Variants in NSMAF observed in about 807,000 individuals in gnomAD.
NSMAF encodes the protein neutral sphingomyelinase activation associated factor, also known as protein FAN.
Under a neutral mutation model 134.9 loss-of-function variants are expected in NSMAF, and 90 were observed. The observed-to-expected ratio is 0.67, with a 90% confidence interval of 0.56 to 0.79. The LOEUF (loss-of-function observed/expected upper bound fraction) is 0.79. NSMAF is among the 30% of genes least tolerant of loss of function. The probability of loss-of-function intolerance (pLI) is 0.00; values close to 1 mark genes in which losing one functional copy is unlikely to be tolerated. For missense variants in NSMAF, 1,010 were observed against 1,119.0 expected, an observed-to-expected ratio of 0.90 and a Z score of 1.39; for synonymous variants, 358 against 389.6, an observed-to-expected ratio of 0.92 and a Z score of 0.96.
Position 58,586,610 on chromosome 8 carries a change from T to C in NSMAF, c.2296-2A>G. On this transcript the variant is annotated splice_acceptor_variant, in intron 27 of 30. Coordinates refer to ENST00000038176, the MANE Select transcript of NSMAF (RefSeq NM_003580.4). LOFTEE classifies it high-confidence loss of function. ...AGCATTTAAACTGATTGTATCTACC[T>C]AAGGAAGAAAACACATTGATACATA... The C allele has an allele frequency of 6.2e-7, 1 of 1,608,476 alleles. No homozygotes were observed. Among genetic ancestry groups the C allele is most frequent in the Non-Finnish European group, 8.5e-7 (1 of 1,177,354 alleles).
chr8:58,629,888 C>T (rs79089199), intron 6 of NSMAF, among the ~76,000 whole-genome samples: 39 of 152,296 alleles, frequency 2.6e-4, no homozygotes, highest in African/African-American at 9.1e-4. Context: ...GAAGCAGTAG[C>T]GTGCTACCCA....
chr8:58,639,681 T>C (rs1318289025), intron 2 of NSMAF, among the ~76,000 whole-genome samples: 2 of 152,194 alleles, frequency 1.3e-5, no homozygotes, highest in Non-Finnish European at 2.9e-5. Flanking sequence ...TTATTTACAG[T>C]AGCCAAGATT....
chr8:58,597,950 T>C (rs771705478), intron 19 of NSMAF, 48 bp from the exon 20 acceptor site: 1 of 1,302,006 alleles, frequency 7.7e-7, no homozygotes, highest in South Asian at 1.2e-5. Flanking sequence ...TATTTCAATG[T>C]AATATACACT....
At chr8:58,651,011 A>AT (rs375964507) in intron 1 of NSMAF, among the ~76,000 whole-genome samples, 2 of 152,110 alleles carry the variant, frequency 1.3e-5, no homozygotes, top group African/African-American at 4.8e-5. Flanking sequence ...GTTCTCTGGG[A>AT]TTTTTTCCTG....
intron 6 of NSMAF, among the ~76,000 whole-genome samples, chr8:58,630,314 AC>A (rs1807028363): frequency 2.2e-5 from 3 of 136,976 alleles, no homozygotes; most frequent in African/African-American, 8.1e-5. Flanking sequence ...ATTCCACCTC[AC>A]CCTTTTTTTT....
intron 1 of NSMAF, chr8:58,659,171 G>A (rs1167976146): frequency 1.4e-6 from 2 of 1,412,668 alleles, no homozygotes; most frequent in East Asian, 5.9e-5. Context: ...TAGAAAGGGG[G>A]TGCCCGCCGG....
At chr8:58,633,247 G>A (rs188236937) in intron 5 of NSMAF, among the ~76,000 whole-genome samples, 10 of 152,188 alleles carry the variant, frequency 6.6e-5, no homozygotes, top group East Asian at 5.8e-4. Context: ...CTTGACTCAC[G>A]CACCCCAGGA....
intron 19 of NSMAF, among the ~76,000 whole-genome samples, chr8:58,598,363 A>C (rs746790484): frequency 2.0e-5 from 3 of 151,620 alleles, no homozygotes; most frequent in Non-Finnish European, 4.4e-5. Context: ...TAAAAAAAAA[A>C]ACTCTGGCAG....
At chr8:58,588,196 C>T (rs540570209) in intron 26 of NSMAF, among the ~76,000 whole-genome samples, 4 of 152,156 alleles carry the variant, frequency 2.6e-5, no homozygotes, top group East Asian at 3.9e-4. Context: ...TGAAAGCTGG[C>T]GTGGTTTGTG....
chr8:58,612,326 A>T (rs10113667), intron 9 of NSMAF, among the ~76,000 whole-genome samples: 37,773 of 151,750 alleles, frequency 0.25, 5,259 homozygotes, highest in Non-Finnish European at 0.31. Context: ...AGGCTGGGAG[A>T]GCTTCTGGGT....
At chr8:58,598,292 G>A (rs1218736676) in intron 19 of NSMAF, among the ~76,000 whole-genome samples, 2 of 151,942 alleles carry the variant, frequency 1.3e-5, no homozygotes, top group Non-Finnish European at 2.9e-5. Flanking sequence ...CATGAGAAAC[G>A]TGGAAGAAGA....
At chr8:58,623,140 A>C in intron 9 of NSMAF, 80 bp downstream of exon 9, 1 of 1,070,066 alleles carries the variant, frequency 9.3e-7, no homozygotes, top group South Asian at 1.3e-5. Flanking sequence ...TGATGACAGC[A>C]GGCTTGGATT....
chr8:58,585,560 T>G, intron 30 of NSMAF, 92 bp downstream of exon 30: 2 of 901,436 alleles, frequency 2.2e-6, no homozygotes, highest in Non-Finnish European at 3.6e-6. Flanking sequence ...GGGTGTTTTT[T>G]GCCCAAAAAG....
chr8:58,640,628 G>A (rs1420009898), intron 2 of NSMAF, among the ~76,000 whole-genome samples: 1 of 152,068 alleles, frequency 6.6e-6, no homozygotes, highest in East Asian at 1.9e-4. Flanking sequence ...GAGATACACA[G>A]TCAAATTATT....
chr8:58,615,743 C>T (rs2129143248), intron 9 of NSMAF, among the ~76,000 whole-genome samples: 1 of 152,180 alleles, frequency 6.6e-6, no homozygotes, highest in East Asian at 1.9e-4. Context: ...AAACTGGTGA[C>T]CTAGACTTTC....
chr8:58,611,282 C>T (rs1461685012), intron 9 of NSMAF, among the ~76,000 whole-genome samples: 1 of 152,156 alleles, frequency 6.6e-6, no homozygotes, highest in Non-Finnish European at 1.5e-5. Flanking sequence ...TGGCTCACAC[C>T]TGTAATCCCA....
Position 58,594,579 on chromosome 8 carries a change from C to T in NSMAF, c.1893-289G>A, listed in dbSNP as rs1806092967. On this transcript the variant is annotated intron_variant, in intron 22 of 30. Transcript: ENST00000038176. ...TTTCTGGCAATTGGAAAACTCTTCT[C>T]CTTCTATTCCCCCTCGTTTGACCAT... 4 of 407,148 alleles carry T rather than the reference C, an allele frequency of 9.8e-6. No individual in the cohort carries two copies. In the South Asian group the frequency reaches 1.3e-4, roughly 13 times the overall value. 25.2% of individuals were successfully genotyped at this position (407,148 alleles called of 1,614,324 possible).
intron 10 of NSMAF, 30 bp from the exon 11 acceptor site, chr8:58,607,870 T>C (rs1344583290): frequency 5.1e-6 from 8 of 1,557,552 alleles, no homozygotes; most frequent in Non-Finnish European, 7.1e-6. Context: ...ATCTCAAACA[T>C]TATTGTTCTG....
chr8:58,620,113 A>T (rs1806750724), intron 9 of NSMAF, among the ~76,000 whole-genome samples: 1 of 152,210 alleles, frequency 6.6e-6, no homozygotes, highest in Non-Finnish European at 1.5e-5. Flanking sequence ...ACTTAAGAAA[A>T]GCCAAGAAAG....
Sources: allele counts gnomAD v4.1 joint callset (sites outside exome capture counted in the v4.1 genomes callset), GRCh38; gene constraint gnomAD v4.1.1; transcripts MANE v1.5; gene names NCBI Gene and HGNC (gene_info 2026-07-23, HGNC 2026-07-21).